Variants in CTNND2 observed in about 807,000 individuals in gnomAD.
The protein encoded by CTNND2 is catenin delta 2, also known as catenin delta-2.
Under a neutral mutation model 144.4 loss-of-function variants are expected in CTNND2, and 22 were observed. The observed-to-expected ratio is 0.15, with a 90% confidence interval of 0.11 to 0.22. The LOEUF (loss-of-function observed/expected upper bound fraction) is 0.22, where lower values mean the gene tolerates loss of function less well. Ranked by LOEUF, CTNND2 falls within the 10% of genes least tolerant of loss-of-function variation. CTNND2 has a pLI of 1.00. For synonymous variants in CTNND2, 751 were observed against 695.6 expected (o/e 1.08, Z -1.25); for missense variants, 1,353 against 1,618.8 (o/e 0.84, Z 2.82).
At chr5:11,476,034 ATTT>A (rs376732931) in intron 3 of CTNND2, among the ~76,000 whole-genome samples, 1 of 132,300 alleles carries the variant, frequency 7.6e-6, no homozygotes, top group African/African-American at 2.8e-5. Flanking sequence ...TAATTTTTCT[ATTT>A]TTTTTTTTTT....
intron 9 of CTNND2, among the ~76,000 whole-genome samples, chr5:11,252,321 C>G (rs1319586070): frequency 6.6e-6 from 1 of 152,118 alleles, no homozygotes; most frequent in Non-Finnish European, 1.5e-5. Flanking sequence ...GTCAGTGTAA[C>G]AAGCAGCTCT....
chr5:11,873,053 C>T (rs138545938), intron 1 of CTNND2, among the ~76,000 whole-genome samples: 281 of 152,214 alleles, frequency 1.8e-3, no homozygotes, highest in African/African-American at 6.4e-3. Context: ...ATTGTCAGAG[C>T]GAACAGGCAA....
chr5:11,633,922 A>G (rs1438414723), intron 2 of CTNND2, among the ~76,000 whole-genome samples: 2 of 152,212 alleles, frequency 1.3e-5, no homozygotes, highest in African/African-American at 4.8e-5. Context: ...ATAGTGGTAC[A>G]GTCCATCTTC....
chr5:11,636,366 T>A (rs1206716744), intron 2 of CTNND2, among the ~76,000 whole-genome samples: 1 of 152,176 alleles, frequency 6.6e-6, no homozygotes, highest in East Asian at 1.9e-4. Flanking sequence ...AAGTAAGAAG[T>A]AAATGCATGA....
At chr5:11,116,324 A>G (rs61753323) in intron 13 of CTNND2, among the ~76,000 whole-genome samples, 21,717 of 152,210 alleles carry the variant, frequency 0.14, 2,457 homozygotes, top group East Asian at 0.45. Flanking sequence ...TGCTACTGGT[A>G]TCCAGTGGGC....
intron 9 of CTNND2, among the ~76,000 whole-genome samples, chr5:11,262,378 T>A (rs926302675): frequency 2.6e-5 from 4 of 152,148 alleles, no homozygotes; most frequent in African/African-American, 9.7e-5. Context: ...AGACAATTGT[T>A]CTGAGATACC....
intron 1 of CTNND2, among the ~76,000 whole-genome samples, chr5:11,879,479 G>A (rs998177112): frequency 6.6e-6 from 1 of 151,218 alleles, no homozygotes; most frequent in Admixed American, 6.6e-5. Context: ...TTTATAGAAA[G>A]GTTAGTTTCC....
chr5:11,544,411 T>C (rs924493743), intron 3 of CTNND2, among the ~76,000 whole-genome samples: 19 of 152,234 alleles, frequency 1.2e-4, no homozygotes, highest in Admixed American at 6.5e-4. Context: ...GTTAAGGATA[T>C]GCAAGCGTAT....
chr5:11,358,314 T>TA (rs1299902362), intron 8 of CTNND2, among the ~76,000 whole-genome samples: 1 of 152,196 alleles, frequency 6.6e-6, no homozygotes, highest in Non-Finnish European at 1.5e-5. Flanking sequence ...ACTAAACAAT[T>TA]AGACTTCTTA....
rs147155969 is a variant in CTNND2, at chr5:11,581,496, A to G, written c.175-16440T>C. Among the ~76,000 whole-genome samples, 22 of 152,344 alleles carry G rather than the reference A, an allele frequency of 1.4e-4. No homozygotes were observed. The East Asian group carries it at 4.3e-3, about 29-fold the overall frequency. On this transcript the variant is annotated intron_variant, in intron 2 of 21. Coordinates refer to ENST00000304623, the MANE Select transcript of CTNND2 (RefSeq NM_001332.4). ...AGCGTATCCAAAGGGATATATAAACATATGTCTACTATATGTCATCAACAT... is the reference window on the plus strand; with the variant it reads ...AGCGTATCCAAAGGGATATATAAACGTATGTCTACTATATGTCATCAACAT...
rs62337742 is a variant in CTNND2 at position 11,853,793 on chromosome 5, T to G, written c.37+50024A>C. On this transcript the variant is annotated intron_variant, in intron 1 of 21. Coordinates refer to ENST00000304623, the MANE Select transcript of CTNND2 (RefSeq NM_001332.4). ...ACACCTAATCCACCAGGTAACTCCG[T>G]TGATTCTACCTTCTGGATAGGTACA... is the stretch of plus-strand genomic sequence containing the variant. Among the ~76,000 whole-genome samples, 276 of 152,286 alleles carry G rather than the reference T, an allele frequency of 1.8e-3. 1 individual carries two copies. Among genetic ancestry groups the G allele is most frequent in the Non-Finnish European group, 3.6e-3 (242 of 68,008 alleles).
chr5:11,687,722 G>A (rs1001438022), intron 2 of CTNND2, among the ~76,000 whole-genome samples: 3 of 152,192 alleles, frequency 2.0e-5, no homozygotes, highest in African/African-American at 7.2e-5. Flanking sequence ...TAGCCCTCAT[G>A]GAGCACGTGT....
intron 2 of CTNND2, among the ~76,000 whole-genome samples, chr5:11,642,771 C>T (rs143286920): frequency 2.3e-3 from 344 of 152,302 alleles, no homozygotes; most frequent in African/African-American, 7.4e-3. Context: ...CATTATGTGC[C>T]AGCAATTCTA....
chr5:11,840,934 T>C (rs528716075), intron 1 of CTNND2, among the ~76,000 whole-genome samples: 1 of 152,326 alleles, frequency 6.6e-6, no homozygotes, highest in East Asian at 1.9e-4. Flanking sequence ...ACATAAAATA[T>C]CTAAAATATT....
At chr5:11,528,762 A>C (rs1581418650) in intron 3 of CTNND2, among the ~76,000 whole-genome samples, 1 of 152,334 alleles carries the variant, frequency 6.6e-6, no homozygotes, top group East Asian at 1.9e-4. Context: ...GGGGCCACAA[A>C]GGAAGTGAGC....
At chr5:11,491,085 T>G (rs1346277284) in intron 3 of CTNND2, among the ~76,000 whole-genome samples, 11 of 152,210 alleles carry the variant, frequency 7.2e-5, no homozygotes, top group Admixed American at 7.2e-4. Context: ...AAGATGAATG[T>G]GACCATCTGC....
At chr5:11,128,919 TATAATAC>T (rs1755061022) in intron 12 of CTNND2, among the ~76,000 whole-genome samples, 2 of 59,816 alleles carry the variant, frequency 3.3e-5, no homozygotes, top group Non-Finnish European at 6.4e-5. Flanking sequence ...ATATATAATA[TATAATAC>T]ATAAATATAT....
At chr5:11,810,245 A>C (rs1431473165) in intron 1 of CTNND2, among the ~76,000 whole-genome samples, 2 of 152,108 alleles carry the variant, frequency 1.3e-5, no homozygotes, top group African/African-American at 2.4e-5. Flanking sequence ...CTACCACGTT[A>C]AGTTAAATTG....
chr5:11,108,178 A>C (rs1206896766), intron 14 of CTNND2, among the ~76,000 whole-genome samples: 3 of 152,204 alleles, frequency 2.0e-5, no homozygotes, highest in Non-Finnish European at 4.4e-5. Flanking sequence ...TTATTCTCCA[A>C]GTAGTGAGTG....
Sources: gnomAD v4.1 joint callset for allele counts (sites outside exome capture counted in the v4.1 genomes callset) on GRCh38, gnomAD v4.1.1 for gene constraint, MANE v1.5 for transcripts, NCBI Gene and HGNC (gene_info 2026-07-23, HGNC 2026-07-21) for gene names.